The following METTL24 variants were observed in gnomAD, a reference collection of about 807,000 sequenced individuals.
The protein encoded by METTL24 is methyltransferase like 24.
Under a neutral mutation model 32.7 loss-of-function variants are expected in METTL24, and 29 were observed. The observed-to-expected ratio is 0.89, with a 90% CI of 0.66 to 1.21. The LOEUF is 1.21. METTL24 is among the 50% of genes most tolerant of loss of function. The pLI is 0.00. For synonymous variants in METTL24, 163 were observed against 179.5 expected, an observed-to-expected ratio of 0.91 and a Z score of 0.73; for missense variants, 439 against 468.1, an observed-to-expected ratio of 0.94 and a Z score of 0.57.
At chr6:110,354,179 C>A (rs1356450160) in intron 1 of METTL24, among the ~76,000 whole-genome samples, 7 of 152,126 alleles carry the variant, frequency 4.6e-5, no homozygotes, top group Non-Finnish European at 8.8e-5. Context: ...AAGATTAGAA[C>A]CCCTGATGTC....
At chr6:110,265,185 GA>G (rs1562219896) in intron 4 of METTL24, among the ~76,000 whole-genome samples, 2 of 129,268 alleles carry the variant, frequency 1.5e-5, no homozygotes. Context: ...AAGAAAGAAA[GA>G]AAGAAAGAAA....
intron 2 of METTL24, among the ~76,000 whole-genome samples, chr6:110,315,745 T>G (rs952359591): frequency 1.3e-5 from 2 of 151,924 alleles, no homozygotes; most frequent in Non-Finnish European, 2.9e-5. Flanking sequence ...GTGCACAGGG[T>G]GTGCAGGAGA....
chr6:110,282,877 G>A (rs749399761), intron 4 of METTL24, among the ~76,000 whole-genome samples: 4 of 152,060 alleles, frequency 2.6e-5, no homozygotes, highest in Non-Finnish European at 5.9e-5. Flanking sequence ...ATGAAAAATT[G>A]GACAGAATAA....
intron 4 of METTL24, among the ~76,000 whole-genome samples, chr6:110,270,514 A>G (rs961116421): frequency 1.6e-4 from 25 of 152,268 alleles, no homozygotes; most frequent in African/African-American, 5.3e-4. Flanking sequence ...AAATGTATGC[A>G]CTACATTTTG....
chr6:110,253,042 T>G (rs1200078030), intron 4 of METTL24, among the ~76,000 whole-genome samples: 2 of 152,178 alleles, frequency 1.3e-5, no homozygotes, highest in African/African-American at 4.8e-5. Context: ...GTAGAAGTGA[T>G]TCTAAGTGGC....
At position 110,286,938 on chromosome 6, in the gene METTL24, C is replaced by T. The variant is rs144708599; in HGVS notation, c.786+11984G>A. On this transcript the variant is annotated intron_variant, in intron 4 of 4. Transcript: ENST00000338882. The stretch of plus-strand genomic sequence containing the variant: ...GAACTCCGACTGGCTCTCCTTGCTC[C>T]TCAGCCTGCAGATGGCCTATAGTGG... 1.2e-3 allele frequency among the ~76,000 whole-genome samples: 178 copies of T among 152,336 alleles called. 1 individual carries two copies. Among genetic ancestry groups the T allele is most frequent in the African/African-American group, 4.1e-3 (172 of 41,578 alleles).
intron 4 of METTL24, among the ~76,000 whole-genome samples, chr6:110,247,582 C>T (rs921299920): frequency 6.6e-6 from 1 of 152,178 alleles, no homozygotes; most frequent in Non-Finnish European, 1.5e-5. Context: ...TGACAGCATT[C>T]AGACATAAAC....
At chr6:110,322,454 A>T (rs991440710) in intron 2 of METTL24, among the ~76,000 whole-genome samples, 4 of 152,172 alleles carry the variant, frequency 2.6e-5, no homozygotes, top group African/African-American at 9.7e-5. Flanking sequence ...TCGACTGCCT[A>T]CTCACGGGGA....
At chr6:110,334,134 G>A (rs1200591106) in intron 1 of METTL24, among the ~76,000 whole-genome samples, 2 of 152,144 alleles carry the variant, frequency 1.3e-5, no homozygotes, top group Non-Finnish European at 2.9e-5. Flanking sequence ...CGCAACACCT[G>A]CACAGCAATC....
intron 2 of METTL24, among the ~76,000 whole-genome samples, chr6:110,321,120 C>T (rs2114753045): frequency 6.6e-6 from 1 of 152,184 alleles, no homozygotes; most frequent in South Asian, 2.1e-4. Context: ...TCCTGTAATC[C>T]CAGCTACTCG....
At chr6:110,315,536 AG>A in intron 2 of METTL24, 55 bp from the exon 3 acceptor site, 1 of 1,589,474 alleles carries the variant, frequency 6.3e-7, no homozygotes, top group Non-Finnish European at 8.6e-7. Context: ...GATAAATAGC[AG>A]GTAGGGACTT....
At chr6:110,350,869 G>A (rs1490817596) in intron 1 of METTL24, among the ~76,000 whole-genome samples, 2 of 151,992 alleles carry the variant, frequency 1.3e-5, no homozygotes, top group Non-Finnish European at 2.9e-5. Context: ...AGCACTTTGA[G>A]ACGCTGAGGC....
intron 1 of METTL24, among the ~76,000 whole-genome samples, chr6:110,325,629 T>G (rs2114757115): frequency 6.6e-6 from 1 of 152,334 alleles, no homozygotes; most frequent in African/African-American, 2.4e-5. Flanking sequence ...TTTAAAGTGT[T>G]GTAGGACTTT....
At chr6:110,323,389 C>T (rs2114755064) in intron 1 of METTL24, among the ~76,000 whole-genome samples, 1 of 152,268 alleles carries the variant, frequency 6.6e-6, no homozygotes, top group Non-Finnish European at 1.5e-5. Context: ...GCTGCTGGGA[C>T]CCTGCACAGG....
intron 1 of METTL24, among the ~76,000 whole-genome samples, chr6:110,350,648 G>A (rs979868163): frequency 6.6e-5 from 10 of 151,816 alleles, no homozygotes; most frequent in African/African-American, 9.7e-5. Context: ...AATGGGGGAC[G>A]GGTGCGGTGA....
rs111369642 is a variant in METTL24, at chr6:110,314,990, GT to G, written c.557+351del. On this transcript the variant is annotated intron_variant, in intron 3 of 4. Transcript: ENST00000338882. ...AGAGAAAGAAAACTAAGTTTTTTGTGTTTTTTTTTTTTGCTGCACGCAGTAA... is the reference window on the plus strand; with the variant it reads ...AGAGAAAGAAAACTAAGTTTTTTGTGTTTTTTTTTTTGCTGCACGCAGTAA... 2.8e-3 allele frequency among the ~76,000 whole-genome samples: 406 copies of G among 142,708 alleles called. 4 individuals carry two copies. Among genetic ancestry groups the G allele is most frequent in the African/African-American group, 7.2e-3 (280 of 39,070 alleles). The allele number at this position is 142,708 out of a possible 152,430, so 93.6% of individuals were successfully genotyped here.
Position 110,279,905 on chromosome 6 carries a change from A to G in METTL24, c.786+19017T>C, listed in dbSNP as rs139293347. Among the ~76,000 whole-genome samples the G allele has an allele frequency of 4.7e-4, 72 of 152,328 alleles. No individual in the cohort carries two copies. The East Asian group carries it at 0.014, about 29-fold the overall frequency. On this transcript the variant is annotated intron_variant, in intron 4 of 4. Coordinates refer to ENST00000338882, the MANE Select transcript of METTL24 (RefSeq NM_001123364.3). ...CAGTTTCACAGGCTATCCAGGAAGC[A>G]TGATGCTGGCATCTGCTTGGCTTCT...
At chr6:110,284,012 A>G (rs556116725) in intron 4 of METTL24, among the ~76,000 whole-genome samples, 2 of 152,352 alleles carry the variant, frequency 1.3e-5, no homozygotes, top group East Asian at 3.9e-4. Flanking sequence ...ACCTAATACA[A>G]TGGAACATTA....
At chr6:110,289,642 G>A (rs533002388) in intron 4 of METTL24, among the ~76,000 whole-genome samples, 1 of 151,832 alleles carries the variant, frequency 6.6e-6, no homozygotes, top group Non-Finnish European at 1.5e-5. Flanking sequence ...AGACTTAGAG[G>A]CTCCAAAATA....
Sources: gnomAD v4.1 joint callset for allele counts (sites outside exome capture counted in the v4.1 genomes callset) on GRCh38, gnomAD v4.1.1 for gene constraint, MANE v1.5 for transcripts, NCBI Gene and HGNC (gene_info 2026-07-23, HGNC 2026-07-21) for gene names.